Variants in CBLN2 observed in about 807,000 individuals in gnomAD.
CBLN2 encodes the protein cerebellin 2 precursor, also known as cerebellin-2.
Under a neutral mutation model 15.0 loss-of-function variants are expected in CBLN2, and 7 were observed. That is an observed-to-expected ratio of 0.47 (90% CI 0.27 to 0.88). The LOEUF is 0.88. Ranked by LOEUF, CBLN2 falls within the 40% of genes least tolerant of loss-of-function variation. The pLI is 0.14. For missense variants in CBLN2, 242 were observed against 304.5 expected (o/e 0.79, Z 1.53); for synonymous variants, 149 against 135.2 (o/e 1.10, Z -0.71).
At chr18:72,542,947 A>ACAC (rs2069129153) in intron 2 of CBLN2, 1 of 157,510 alleles carries the variant, frequency 6.3e-6, no homozygotes, top group African/African-American at 2.4e-5. Context: ...ACACACACAC[A>ACAC]CACACACACA....
chr18:72,615,172 TATATTTATATATTATATATAAATATA>T (rs2069650383), intron 1 of CBLN2, among the ~76,000 whole-genome samples: 1 of 133,202 alleles, frequency 7.5e-6, no homozygotes, highest in African/African-American at 2.8e-5. Context: ...TATATAAATA[TATATTTATATATTATATATAAATATA>T]TATTTATATA....
intron 1 of CBLN2, among the ~76,000 whole-genome samples, chr18:72,593,988 A>G (rs529475001): frequency 2.0e-5 from 3 of 152,306 alleles, no homozygotes; most frequent in Non-Finnish European, 4.4e-5. Context: ...TTGCAGGGAC[A>G]TGGATGAAGC....
At chr18:72,582,367 G>A (rs956390329) in intron 1 of CBLN2, among the ~76,000 whole-genome samples, 1 of 152,156 alleles carries the variant, frequency 6.6e-6, no homozygotes, top group African/African-American at 2.4e-5. Context: ...GAGTTTGTAG[G>A]AAGATAACAT....
At chr18:72,635,665 G>C (rs2069807553) in intron 1 of CBLN2, among the ~76,000 whole-genome samples, 1 of 152,038 alleles carries the variant, frequency 6.6e-6, no homozygotes, top group Non-Finnish European at 1.5e-5. Context: ...TATTTAGAGA[G>C]TTTGAAAACA....
In CBLN2 at chr18:72,538,054, T is replaced by G. The variant is rs2069079892; in HGVS notation, c.*122A>C. 1.1e-6 allele frequency: 1 copy of G among 941,428 alleles called. No individual in the cohort carries two copies. The highest frequency in any genetic ancestry group is 1.7e-5 in the African/African-American group (1 of 60,440). The allele number at this position is 941,428 out of a possible 1,614,324, so 58.3% of individuals were successfully genotyped here. ...GAGGTTTCAAAGGAAATCATTCTTC[T>G]ACTGCAACAGTCTGACGGAGGTTGG... On this transcript the variant is annotated 3_prime_UTR_variant, in exon 5 of 5. Transcript: ENST00000269503.
intron 1 of CBLN2, among the ~76,000 whole-genome samples, chr18:72,558,501 G>T (rs2069240494): frequency 6.6e-6 from 1 of 152,160 alleles, no homozygotes; most frequent in Non-Finnish European, 1.5e-5. Context: ...CCTTGAACCT[G>T]AGGGTTATCT....
intron 1 of CBLN2, among the ~76,000 whole-genome samples, chr18:72,598,844 C>T (rs2069529356): frequency 6.6e-6 from 1 of 152,138 alleles, no homozygotes; most frequent in Non-Finnish European, 1.5e-5. Context: ...GCACTGAGTT[C>T]CAGTGCAAAG....
intron 1 of CBLN2, among the ~76,000 whole-genome samples, chr18:72,593,021 C>T (rs756294736): frequency 1.3e-5 from 2 of 151,906 alleles, no homozygotes; most frequent in Non-Finnish European, 2.9e-5. Flanking sequence ...CCTATTTTCA[C>T]GAAGAATGTC....
intron 1 of CBLN2, among the ~76,000 whole-genome samples, chr18:72,570,950 A>T (rs1288980751): frequency 1.3e-5 from 2 of 152,134 alleles, no homozygotes; most frequent in Non-Finnish European, 2.9e-5. Flanking sequence ...ATAATTTATG[A>T]ATAATGAGGA....
At chr18:72,585,122 A>C (rs141069523) in intron 1 of CBLN2, among the ~76,000 whole-genome samples, 1 of 152,090 alleles carries the variant, frequency 6.6e-6, no homozygotes, top group South Asian at 2.1e-4. Context: ...GAGCCCCAAA[A>C]AGGGTGTCAC....
intron 1 of CBLN2, among the ~76,000 whole-genome samples, chr18:72,579,719 G>A (rs375476049): frequency 2.0e-5 from 3 of 149,160 alleles, no homozygotes; most frequent in African/African-American, 7.3e-5. Context: ...GTGACAGAGC[G>A]AGACTCCGTC....
At position 72,594,233 on chromosome 18, in the gene CBLN2, T is replaced by A. The variant is rs539090639; in HGVS notation, c.15+44092A>T. 3.9e-5 allele frequency among the ~76,000 whole-genome samples: 6 copies of A among 152,322 alleles called. No individual in the cohort carries two copies. The East Asian group carries it at 1.2e-3, about 29-fold the overall frequency. On this transcript the variant is annotated intron_variant, in intron 1 of 2. Transcript: ENST00000581073. Reference sequence around the variant, plus strand: ...CCACCATAGCATGTGTATACCTATGTAACAAACCTGCACATTCTGCACATG... The same window carrying A: ...CCACCATAGCATGTGTATACCTATGAAACAAACCTGCACATTCTGCACATG...
chr18:72,551,589 A>C (rs758174912), intron 1 of CBLN2, among the ~76,000 whole-genome samples: 3 of 152,158 alleles, frequency 2.0e-5, no homozygotes, highest in Non-Finnish European at 4.4e-5. Context: ...ACTGAAGTCT[A>C]TATGTCTGCA....
intron 1 of CBLN2, among the ~76,000 whole-genome samples, chr18:72,581,301 A>G (rs1297752885): frequency 6.6e-6 from 1 of 150,892 alleles, no homozygotes; most frequent in African/African-American, 2.5e-5. Context: ...AAAATTAATC[A>G]AGAGTTCCTA....
chr18:72,587,961 C>T (rs770679462), intron 1 of CBLN2, among the ~76,000 whole-genome samples: 1 of 152,026 alleles, frequency 6.6e-6, no homozygotes, highest in South Asian at 2.1e-4. Context: ...TTAGCCAAGT[C>T]GATATTTGGC....
At chr18:72,558,812 T>TAATCCCAGCACTCCTGTAATCCCA (rs1273935402) in intron 1 of CBLN2, among the ~76,000 whole-genome samples, 36 of 152,302 alleles carry the variant, frequency 2.4e-4, no homozygotes, top group African/African-American at 8.2e-4. Flanking sequence ...CCCAGCACTT[T>TAATCCCAGCACTCCTGTAATCCCA]GGAAGGATGA....
At chr18:72,569,518 T>C (rs2069316879) in intron 1 of CBLN2, among the ~76,000 whole-genome samples, 1 of 152,128 alleles carries the variant, frequency 6.6e-6, no homozygotes, top group African/African-American at 2.4e-5. Context: ...GAATGAGTAA[T>C]TTATGAAGGA....
intron 1 of CBLN2, among the ~76,000 whole-genome samples, chr18:72,625,698 C>CTATA (rs1169851043): frequency 0.017 from 798 of 46,548 alleles, 3 homozygotes; most frequent in African/African-American, 0.033. Flanking sequence ...TATAGTATTA[C>CTATA]TATATATATA....
At chr18:72,573,902 G>T (rs546948695) in intron 1 of CBLN2, among the ~76,000 whole-genome samples, 5 of 152,286 alleles carry the variant, frequency 3.3e-5, no homozygotes, top group African/African-American at 1.2e-4. Flanking sequence ...ATTCCAATCA[G>T]CAATAAATAA....
Sources: gnomAD v4.1 joint callset for allele counts (sites outside exome capture counted in the v4.1 genomes callset) on GRCh38, gnomAD v4.1.1 for gene constraint, MANE v1.5 for transcripts, NCBI Gene and HGNC (gene_info 2026-07-23, HGNC 2026-07-21) for gene names.